CTBP2: variants seen among roughly 807,000 people sequenced by gnomAD.
CTBP2 encodes the protein C-terminal binding protein 2.
Under a neutral mutation model 80.3 loss-of-function variants are expected in CTBP2, and 30 were observed. The ratio of observed to expected loss-of-function variants is 0.37; its 90% CI spans 0.28 to 0.51. The LOEUF (loss-of-function observed/expected upper bound fraction) is 0.51. Among genes scored for constraint, CTBP2 ranks in the 20% least tolerant of loss-of-function variants. The pLI is 0.93. For missense variants in CTBP2, 1,212 were observed against 1,375.3 expected, an observed-to-expected ratio of 0.88 and a Z score of 1.88; for synonymous variants, 594 against 587.4, an observed-to-expected ratio of 1.01 and a Z score of -0.16.
chr10:125,116,355 G>T (rs1276136789), intron 1 of CTBP2, among the ~76,000 whole-genome samples: 1 of 152,136 alleles, frequency 6.6e-6, no homozygotes, highest in Non-Finnish European at 1.5e-5. Flanking sequence ...CTGCCTCACA[G>T]ACACTCCCTC....
At chr10:125,036,400 G>C (rs918534258) in intron 3 of CTBP2, among the ~76,000 whole-genome samples, 1 of 152,090 alleles carries the variant, frequency 6.6e-6, no homozygotes, top group East Asian at 1.9e-4. Flanking sequence ...TAAGGAGCTG[G>C]TGTATCCAGA....
chr10:125,040,017 T>C (rs1192926532), intron 2 of CTBP2, among the ~76,000 whole-genome samples: 2 of 152,112 alleles, frequency 1.3e-5, no homozygotes, highest in African/African-American at 2.4e-5. Context: ...CCATCCTCCT[T>C]CTCAGGAGGA....
intron 2 of CTBP2, among the ~76,000 whole-genome samples, chr10:125,062,141 C>T (rs144330569): frequency 5.3e-5 from 8 of 152,212 alleles, no homozygotes; most frequent in Admixed American, 1.3e-4. Flanking sequence ...CAGAACCCAG[C>T]GGACTCAAAA....
chr10:125,110,590 C>G (rs1852142224), intron 2 of CTBP2, among the ~76,000 whole-genome samples: 1 of 152,334 alleles, frequency 6.6e-6, no homozygotes, highest in East Asian at 1.9e-4. Context: ...ATCCATCTAT[C>G]ACTTATGACT....
At chr10:125,067,091 C>A (rs532208321) in intron 2 of CTBP2, among the ~76,000 whole-genome samples, 2 of 152,208 alleles carry the variant, frequency 1.3e-5, no homozygotes, top group African/African-American at 4.8e-5. Flanking sequence ...CAAAGGCTTA[C>A]ACTTTTTTCT....
chr10:125,079,491 C>T (rs1846854172), intron 2 of CTBP2, among the ~76,000 whole-genome samples: 1 of 152,188 alleles, frequency 6.6e-6, no homozygotes, highest in African/African-American at 2.4e-5. Flanking sequence ...AGATTGAGAT[C>T]AACAGTGGGT....
At chr10:125,032,417 C>G (rs75452261), upstream of CTBP2, among the ~76,000 whole-genome samples, 253 of 152,344 alleles carry the variant, frequency 1.7e-3, no homozygotes, top group African/African-American at 5.9e-3. Context: ...AGGATGCCGT[C>G]CTTCCTCTGG....
chr10:125,050,107 C>T (rs1386684488), intron 2 of CTBP2, among the ~76,000 whole-genome samples: 2 of 152,174 alleles, frequency 1.3e-5, no homozygotes, highest in African/African-American at 4.8e-5. Context: ...CAACTCAGAC[C>T]TCAGGAGTGG....
chr10:125,051,905 G>A (rs1330342157), intron 2 of CTBP2, among the ~76,000 whole-genome samples: 1 of 152,160 alleles, frequency 6.6e-6, no homozygotes, highest in Non-Finnish European at 1.5e-5. Context: ...ACACAGACAG[G>A]GGGAAGACGA....
At chr10:125,069,279 G>A (rs1298143707) in intron 2 of CTBP2, among the ~76,000 whole-genome samples, 1 of 152,224 alleles carries the variant, frequency 6.6e-6, no homozygotes, top group South Asian at 2.1e-4. Context: ...ATTGGAATTA[G>A]TCCAACTTGT....
At chr10:125,159,759 C>G (rs1267972509) in intron 1 of CTBP2, 1 of 149,694 alleles carries the variant, frequency 6.7e-6, no homozygotes. Flanking sequence ...CACCCCGGCG[C>G]GCTCGGACTC....
At chr10:125,119,217 G>A (rs1381036787) in intron 1 of CTBP2, among the ~76,000 whole-genome samples, 1 of 152,232 alleles carries the variant, frequency 6.6e-6, no homozygotes, top group Non-Finnish European at 1.5e-5. Flanking sequence ...CACAGCGAGA[G>A]ATGGAACCTC....
At chr10:125,118,615 T>A (rs560877203) in intron 1 of CTBP2, among the ~76,000 whole-genome samples, 1 of 151,310 alleles carries the variant, frequency 6.6e-6, no homozygotes, top group South Asian at 2.1e-4. Flanking sequence ...GGGGCCTGGC[T>A]GCACCCCCAC....
At chr10:124,994,720 C>G (rs775206602) in intron 4 of CTBP2, 37 bp from the exon 7 acceptor site, 3 of 1,602,842 alleles carry the variant, frequency 1.9e-6, no homozygotes, top group Non-Finnish European at 2.6e-6. Context: ...AGTGAGTCCA[C>G]AGCCCGCGCC....
chr10:125,013,430 G>A (rs764249687), intron 1 of CTBP2, among the ~76,000 whole-genome samples: 10 of 152,210 alleles, frequency 6.6e-5, no homozygotes, highest in African/African-American at 2.2e-4. Context: ...GCTGCCGTCA[G>A]CCTCTTTTAC....
At chr10:125,145,474 G>C (rs913670993) in intron 1 of CTBP2, among the ~76,000 whole-genome samples, 2 of 152,170 alleles carry the variant, frequency 1.3e-5, no homozygotes, top group Admixed American at 1.3e-4. Flanking sequence ...AGTATTAAAG[G>C]TATCTGCTGT....
intron 2 of CTBP2, among the ~76,000 whole-genome samples, chr10:125,095,198 A>G (rs535031016): frequency 2.0e-5 from 3 of 152,300 alleles, no homozygotes; most frequent in African/African-American, 4.8e-5. Context: ...CACACCTAGC[A>G]AACAGATCTT....
At chr10:125,128,411 T>C (rs952085527) in intron 1 of CTBP2, among the ~76,000 whole-genome samples, 2 of 152,020 alleles carry the variant, frequency 1.3e-5, no homozygotes, top group African/African-American at 4.8e-5. Flanking sequence ...GGGAGAGACA[T>C]TGGGAGGCGG....
At chr10:125,087,409 A>G (rs1329490673) in intron 2 of CTBP2, among the ~76,000 whole-genome samples, 1 of 152,124 alleles carries the variant, frequency 6.6e-6, no homozygotes, top group Non-Finnish European at 1.5e-5. Flanking sequence ...GCATCAGTGA[A>G]GGTCAGTGGC....
Sources: allele counts gnomAD v4.1 joint callset (sites outside exome capture counted in the v4.1 genomes callset), GRCh38; gene constraint gnomAD v4.1.1; transcripts MANE v1.5; gene names NCBI Gene and HGNC (gene_info 2026-07-23, HGNC 2026-07-21).